SDHC: variants seen among roughly 807,000 people sequenced by gnomAD.
The protein encoded by SDHC is succinate dehydrogenase complex subunit C, also known as succinate dehydrogenase cytochrome b560 subunit, mitochondrial.
A neutral mutation model predicts 22.6 loss-of-function variants in SDHC; 11 were observed. That is an observed-to-expected ratio of 0.49 (90% CI 0.31 to 0.81). The LOEUF (loss-of-function observed/expected upper bound fraction) is 0.81, where lower values mean the gene tolerates loss of function less well. Ranked by LOEUF, SDHC falls within the 30% of genes least tolerant of loss-of-function variation. SDHC has a pLI of 0.05. For synonymous variants in SDHC, 80 were observed against 77.8 expected, an observed-to-expected ratio of 1.03 and a Z score of -0.15; for missense variants, 160 against 212.0, an observed-to-expected ratio of 0.75 and a Z score of 1.52.
intron 3 of SDHC, among the ~76,000 whole-genome samples, chr1:161,332,074 C>G (rs901765593): frequency 3.3e-5 from 5 of 151,820 alleles, no homozygotes; most frequent in Admixed American, 2.0e-4. Flanking sequence ...AACTCCTGGA[C>G]TCAAGTGATC....
chr1:161,351,446 A>T (rs982099386), intron 4 of SDHC, among the ~76,000 whole-genome samples: 1 of 152,206 alleles, frequency 6.6e-6, no homozygotes, highest in African/African-American at 2.4e-5. Context: ...TATAAAAATT[A>T]AATACTATAT....
intron 3 of SDHC, among the ~76,000 whole-genome samples, chr1:161,330,647 C>A (rs1045130291): frequency 6.6e-6 from 1 of 152,074 alleles, no homozygotes; most frequent in Non-Finnish European, 1.5e-5. Context: ...TTCTTTTCAT[C>A]TTCTCTCTGT....
intron 4 of SDHC, among the ~76,000 whole-genome samples, chr1:161,344,110 C>A (rs1234533957): frequency 1.3e-5 from 2 of 151,830 alleles, no homozygotes; most frequent in African/African-American, 4.8e-5. Context: ...CACGGTGAAA[C>A]CCCGTCTCTA....
intron 3 of SDHC, among the ~76,000 whole-genome samples, chr1:161,333,493 C>G (rs1470337111): frequency 2.0e-5 from 3 of 151,850 alleles, no homozygotes; most frequent in Non-Finnish European, 4.4e-5. Context: ...CAACCTTCAC[C>G]TCCCAGGTTC....
chr1:161,353,853 A>G (rs1672174519), intron 4 of SDHC, among the ~76,000 whole-genome samples: 1 of 152,178 alleles, frequency 6.6e-6, no homozygotes, highest in Admixed American at 6.5e-5. Flanking sequence ...TCATCCACAT[A>G]AATGGAAAGA....
chr1:161,353,862 GA>G (rs1392886613), intron 4 of SDHC, among the ~76,000 whole-genome samples: 2 of 152,042 alleles, frequency 1.3e-5, no homozygotes, highest in Non-Finnish European at 2.9e-5. Flanking sequence ...TAAATGGAAA[GA>G]AAAAAATATT....
At chr1:161,357,170 G>A (rs80024514) in intron 5 of SDHC, among the ~76,000 whole-genome samples, 3 of 151,598 alleles carry the variant, frequency 2.0e-5, no homozygotes, top group East Asian at 3.9e-4. Context: ...TAAGTGATCC[G>A]CCTGCCTAAG....
chr1:161,339,660 GTGTTTTTTTTT>G, intron 3 of SDHC: 1 of 87,234 alleles, frequency 1.1e-5, no homozygotes, highest in Non-Finnish European at 2.2e-5. Context: ...CCTGATACAG[GTGTTTTTTTTT>G]TTTTTTTTTT....
intron 4 of SDHC, among the ~76,000 whole-genome samples, chr1:161,348,059 T>C (rs1671962078): frequency 6.6e-6 from 1 of 152,210 alleles, no homozygotes; most frequent in Non-Finnish European, 1.5e-5. Flanking sequence ...TTATTTTAAC[T>C]ATAGAGATTT....
rs1283715079 is a variant in SDHC at position 161,340,681 on chromosome 1, CAT to C, written c.241+29_241+30del. 1.9e-6 allele frequency: 3 copies of C among 1,597,480 alleles called. No individual in the cohort carries two copies. In the East Asian group the frequency reaches 6.7e-5, roughly 36 times the overall value. Reference sequence around the variant, plus strand: ...GTATGTATATGTGTTTTTACACACACATATGTGCTTCTTTGAAAAACTTGGCT... The same window carrying C: ...GTATGTATATGTGTTTTTACACACACATGTGCTTCTTTGAAAAACTTGGCT... On this transcript the variant is annotated intron_variant, in intron 4 of 5. Transcript: ENST00000367975.
At chr1:161,339,278 C>T (rs923600991) in intron 3 of SDHC, among the ~76,000 whole-genome samples, 1 of 151,938 alleles carries the variant, frequency 6.6e-6, no homozygotes, top group African/African-American at 2.4e-5. Flanking sequence ...GAGTTCCTGG[C>T]CTCAAGCGAC....
intron 4 of SDHC, among the ~76,000 whole-genome samples, chr1:161,352,019 G>A (rs1421295615): frequency 6.6e-6 from 1 of 152,162 alleles, no homozygotes; most frequent in African/African-American, 2.4e-5. Flanking sequence ...AACTGGTCTT[G>A]GCAGTCAAGA....
At chr1:161,362,273 A>G (rs2102384470) in intron 5 of SDHC, 56 bp from the exon 6 acceptor site, 2 of 1,570,518 alleles carry the variant, frequency 1.3e-6, no homozygotes, top group Non-Finnish European at 1.7e-6. Flanking sequence ...TGAGACAGGA[A>G]CTGTTAATGT....
chr1:161,339,365 T>TTC (rs1558173489), intron 3 of SDHC, among the ~76,000 whole-genome samples: 3 of 150,004 alleles, frequency 2.0e-5, no homozygotes, highest in East Asian at 2.0e-4. Context: ...TTTTTTTTTT[T>TTC]CGTAAAGATG....
chr1:161,347,317 C>T (rs952088028), intron 4 of SDHC, among the ~76,000 whole-genome samples: 2 of 151,934 alleles, frequency 1.3e-5, no homozygotes, highest in African/African-American at 2.4e-5. Context: ...TGCAGTGGCA[C>T]GATCTCGGCT....
chr1:161,356,327 T>G (rs1672269848), intron 4 of SDHC, among the ~76,000 whole-genome samples: 1 of 151,768 alleles, frequency 6.6e-6, no homozygotes, highest in Non-Finnish European at 1.5e-5. Context: ...TCACTTGAGG[T>G]CAGGAGTTCG....
intron 3 of SDHC, among the ~76,000 whole-genome samples, chr1:161,338,280 T>C (rs1318280585): frequency 5.9e-5 from 9 of 152,228 alleles, no homozygotes; most frequent in Admixed American, 2.0e-4. Flanking sequence ...TTAATATTTT[T>C]AATTTATTTG....
chr1:161,352,296 G>A (rs189315993), intron 4 of SDHC, among the ~76,000 whole-genome samples: 214 of 152,274 alleles, frequency 1.4e-3, no homozygotes, highest in African/African-American at 4.9e-3. Flanking sequence ...ATTCCTGTTT[G>A]AAGAGGTAGA....
At chr1:161,330,634 GTCT>G (rs1284393733) in intron 3 of SDHC, among the ~76,000 whole-genome samples, 4 of 152,286 alleles carry the variant, frequency 2.6e-5, no homozygotes, top group East Asian at 1.9e-4. Context: ...GGGTATGACA[GTCT>G]TCTTTTCATC....
Sources: gnomAD v4.1 joint callset for allele counts (sites outside exome capture counted in the v4.1 genomes callset) on GRCh38, gnomAD v4.1.1 for gene constraint, MANE v1.5 for transcripts, NCBI Gene and HGNC (gene_info 2026-07-23, HGNC 2026-07-21) for gene names.